The following PATJ variants were observed in gnomAD, a reference collection of about 807,000 sequenced individuals.
PATJ encodes the protein inaD-like protein.
PATJ carries 190 observed loss-of-function variants against 224.9 expected under a neutral mutation model. The ratio of observed to expected loss-of-function variants is 0.84; its 90% CI spans 0.75 to 0.95. PATJ has a LOEUF of 0.95. Ranked by LOEUF, PATJ falls within the 40% of genes least tolerant of loss-of-function variation. PATJ has a pLI of 0.00. For missense variants in PATJ, 2,121 were observed against 2,270.3 expected (o/e 0.93, Z 1.34); for synonymous variants, 769 against 820.3 (o/e 0.94, Z 1.07).
chr1:61,842,535 T>A (rs1166375371), intron 17 of PATJ, among the ~76,000 whole-genome samples: 1 of 152,122 alleles, frequency 6.6e-6, no homozygotes, highest in Admixed American at 6.6e-5. Context: ...AGATGGTGAA[T>A]CTACTGTATT....
At chr1:61,853,263 C>T (rs760817773) in intron 17 of PATJ, among the ~76,000 whole-genome samples, 4 of 152,116 alleles carry the variant, frequency 2.6e-5, no homozygotes, top group Non-Finnish European at 4.4e-5. Context: ...TCTGGTGAAT[C>T]GTCCTTTAGA....
In PATJ at chr1:61,801,654, T is replaced by C; in HGVS notation, c.1434T>C (p.Ala478=). ...GTVVEPLKPP[A]LFLTGAVETE... ...TTGTAGAACCACTGAAACCACCAGC[T>C]CTCTTTCTAACTGGAGCAGTGGAAA... The change falls in exon 12 of 44, where the codon GCT becomes GCC. Residue 478 remains alanine, a synonymous_variant. Coordinates refer to ENST00000642238, the MANE Select transcript of PATJ (RefSeq NM_001350145.3). 1 of 1,595,244 alleles carries C rather than the reference T, an allele frequency of 6.3e-7. No homozygotes were observed. The highest frequency in any genetic ancestry group is 1.1e-5 in the South Asian group (1 of 87,908).
chr1:61,854,457 C>G (rs1663324830), intron 17 of PATJ, among the ~76,000 whole-genome samples: 3 of 152,156 alleles, frequency 2.0e-5, no homozygotes, highest in Admixed American at 2.0e-4. Flanking sequence ...AGACTCTGCT[C>G]AATCATAAGA....
rs752239551 is a variant in PATJ, at chr1:62,108,517, A to G, written c.4458A>G (p.Leu1486=). ...GACTTTGGGCTGGTGACCAGATATTAGAGGTATATGGTTTTGAATTTTATT... is the reference window on the plus strand; with the variant it reads ...GACTTTGGGCTGGTGACCAGATATTGGAGGTATATGGTTTTGAATTTTATT... ...DGRLWAGDQI[L]EVNGVDLRNS... The change falls in exon 34 of 44, where the codon TTA becomes TTG. Residue 1486 remains leucine (L), a synonymous_variant. Transcript: ENST00000642238. 2 of 1,597,668 alleles carry G rather than the reference A, an allele frequency of 1.3e-6. No individual in the cohort carries two copies. The highest frequency in any genetic ancestry group is 1.3e-5 in the African/African-American group (1 of 74,596).
At chr1:61,752,311 C>CTTTTT (rs370759266) in intron 1 of PATJ, among the ~76,000 whole-genome samples, 31 of 124,010 alleles carry the variant, frequency 2.5e-4, no homozygotes, top group East Asian at 7.3e-4. Flanking sequence ...TCATTTCTTT[C>CTTTTT]TTTTTTTTTT....
chr1:61,834,231 A>G (rs915366834), intron 17 of PATJ, among the ~76,000 whole-genome samples: 40 of 152,202 alleles, frequency 2.6e-4, no homozygotes, highest in African/African-American at 8.4e-4. Context: ...ACACATTAGC[A>G]TTCGTTCCCA....
At chr1:62,061,099 C>T (rs9436655) in intron 31 of PATJ, among the ~76,000 whole-genome samples, 8,971 of 148,882 alleles carry the variant, frequency 0.06, 559 homozygotes, top group East Asian at 0.15. Flanking sequence ...GAGCGCAGTC[C>T]CCAGTAGGTA....
intron 33 of PATJ, among the ~76,000 whole-genome samples, chr1:62,104,900 G>A (rs899713017): frequency 6.6e-6 from 1 of 152,060 alleles, no homozygotes; most frequent in Admixed American, 6.6e-5. Context: ...TCGAACTCCT[G>A]ACCTCAGGTG....
rs66470863 is a variant in PATJ, at chr1:61,777,703, C to CTTTTTTTTTTT, written c.849+2383_849+2393dup. Among the ~76,000 whole-genome samples, 52 of 48,738 alleles carry CTTTTTTTTTTT rather than the reference C, an allele frequency of 1.1e-3. 1 individual carries two copies. Among genetic ancestry groups the CTTTTTTTTTTT allele is most frequent in the Middle Eastern group, 0.016 (1 of 64 alleles). 32.0% of individuals were successfully genotyped at this position (48,738 alleles called of 152,430 possible). The stretch of plus-strand genomic sequence containing the variant: ...TTCTTCCTTTTTTCTTTCTTTCTTT[C>CTTTTTTTTTTT]TTTTTTTTTTTTTTTTTTTTTTTTA... On this transcript the variant is annotated intron_variant, in intron 7 of 43. Coordinates refer to ENST00000642238, the MANE Select transcript of PATJ (RefSeq NM_001350145.3).
chr1:61,851,415 G>A (rs551712237), intron 17 of PATJ, among the ~76,000 whole-genome samples: 2 of 152,202 alleles, frequency 1.3e-5, no homozygotes, highest in South Asian at 2.1e-4. Context: ...CAGGGAGGGC[G>A]TTCGTGGCTG....
chr1:62,063,728 G>A (rs559209573), intron 31 of PATJ, among the ~76,000 whole-genome samples: 1 of 152,172 alleles, frequency 6.6e-6, no homozygotes, highest in African/African-American at 2.4e-5. Context: ...TCACCTCCTT[G>A]GTTAAATGTA....
chr1:62,028,528 C>T lies in PATJ; in HGVS notation c.3960-9449C>T, dbSNP rs368691749. 3.2e-4 allele frequency among the ~76,000 whole-genome samples: 49 copies of T among 152,278 alleles called. No individual in the cohort carries two copies. In the South Asian group the frequency reaches 9.7e-3, roughly 30 times the overall value. ...GTGTGGTGGCTCACGCCTGTCATCC[C>T]AGCACTTTGGGAGGCTGAGGTGGGA... On this transcript the variant is annotated intron_variant, in intron 29 of 43. Transcript: ENST00000642238.
At chr1:62,119,092 C>G (rs1030353702) in intron 37 of PATJ, among the ~76,000 whole-genome samples, 8 of 151,808 alleles carry the variant, frequency 5.3e-5, no homozygotes, top group African/African-American at 1.5e-4. Flanking sequence ...GTATCAAATA[C>G]TTTGCCCTAA....
At position 62,121,974 on chromosome 1, in the gene PATJ, A is replaced by T. The variant is rs1196165560; in HGVS notation, c.5005+679A>T. On this transcript the variant is annotated intron_variant, in intron 38 of 43. Coordinates refer to ENST00000642238, the MANE Select transcript of PATJ (RefSeq NM_001350145.3). The stretch of plus-strand genomic sequence containing the variant: ...AGTTAAAAGAAAAAAAAAAGTGTGT[A>T]TATCCTTGGGGGCAGGGTGGGACAA... Among the ~76,000 whole-genome samples, 5 of 151,972 alleles carry T rather than the reference A, an allele frequency of 3.3e-5. No individual in the cohort carries two copies. In the East Asian group the frequency reaches 9.7e-4, roughly 29 times the overall value.
chr1:62,091,259 A>T (rs1660698018), intron 33 of PATJ, among the ~76,000 whole-genome samples: 1 of 152,180 alleles, frequency 6.6e-6, no homozygotes, highest in Admixed American at 6.5e-5. Context: ...TGTTCTACCA[A>T]ACCTAAAAGG....
chr1:61,988,503 A>G (rs562979512), intron 27 of PATJ, among the ~76,000 whole-genome samples: 7 of 152,148 alleles, frequency 4.6e-5, no homozygotes, highest in Non-Finnish European at 1.0e-4. Context: ...ATTCACTTCA[A>G]TGTTAATATG....
chr1:61,843,176 A>C (rs1366678948), intron 17 of PATJ, among the ~76,000 whole-genome samples: 2 of 152,074 alleles, frequency 1.3e-5, no homozygotes, highest in Non-Finnish European at 2.9e-5. Context: ...TTTACACACC[A>C]TTTCTAGGGC....
intron 27 of PATJ, among the ~76,000 whole-genome samples, chr1:61,943,479 G>A (rs558840647): frequency 4.6e-5 from 7 of 152,252 alleles, no homozygotes; most frequent in South Asian, 2.1e-4. Context: ...CCACGCCCAC[G>A]GTCGCTGCTA....
intron 9 of PATJ, among the ~76,000 whole-genome samples, chr1:61,792,943 G>T (rs1363285588): frequency 6.6e-6 from 1 of 152,172 alleles, no homozygotes; most frequent in Non-Finnish European, 1.5e-5. Flanking sequence ...CTTTGAAAAT[G>T]ATTTTTGCTT....
Sources: gnomAD v4.1 joint callset for allele counts (sites outside exome capture counted in the v4.1 genomes callset) on GRCh38, gnomAD v4.1.1 for gene constraint, MANE v1.5 for transcripts, NCBI Gene and HGNC (gene_info 2026-07-23, HGNC 2026-07-21) for gene names.